SRRM1: variants seen among roughly 807,000 people sequenced by gnomAD.
SRRM1 encodes the protein serine/arginine repetitive matrix protein 1.
SRRM1 carries 19 observed loss-of-function variants against 110.2 expected under a neutral mutation model. That is an observed-to-expected ratio of 0.17 (90% confidence interval 0.12 to 0.25). The LOEUF (loss-of-function observed/expected upper bound fraction) is 0.25. Among genes scored for constraint, SRRM1 ranks in the 10% least tolerant of loss-of-function variants. The pLI is 1.00. For synonymous variants in SRRM1, 443 were observed against 414.9 expected (o/e 1.07, Z -0.82); for missense variants, 918 against 1,145.8 (o/e 0.80, Z 2.87).
At chr1:24,643,618 T>G in intron 1 of SRRM1, 12 of 377,806 alleles carry the variant, frequency 3.2e-5, no homozygotes, top group East Asian at 1.2e-4. Flanking sequence ...GGTACCTCGC[T>G]GCCCGCCTGC....
chr1:24,666,913 C>T lies in SRRM1; in HGVS notation c.1727C>T (p.Pro576Leu), dbSNP rs1396292358. 2 of 1,605,614 alleles carry T rather than the reference C, an allele frequency of 1.2e-6. No homozygotes were observed. Among genetic ancestry groups the T allele is most frequent in the Non-Finnish European group, 1.7e-6 (2 of 1,177,190 alleles). ...PPRRRRTPTP[P>L]PRRRTPSPPP... Reference sequence around the variant, plus strand: ...CGACGGCGCAGGACTCCCACACCACCACCACGACGAAGGTACTTTGTCAAA... The same window carrying T: ...CGACGGCGCAGGACTCCCACACCACTACCACGACGAAGGTACTTTGTCAAA... The change falls in exon 13 of 17, where the codon CCA becomes CTA. Residue 576 changes from proline (P) to leucine (L), a missense_variant. Pro to Leu is a moderately conservative substitution (Grantham distance 98). Around this residue, in one of 5 missense-constraint regions of SRRM1, gnomAD observed 357 missense variants for 402.9 expected, o/e 0.89. Transcript: ENST00000323848.
intron 9 of SRRM1, among the ~76,000 whole-genome samples, chr1:24,659,746 T>TACTA (rs58505184): frequency 0.04 from 6,020 of 152,268 alleles, 370 homozygotes; most frequent in African/African-American, 0.14. Context: ...GATGTGATAC[T>TACTA]ACTGTGTTAA....
intron 6 of SRRM1, 29 bp from the exon 7 acceptor site, chr1:24,652,405 A>G: frequency 7.7e-7 from 1 of 1,295,036 alleles, no homozygotes; most frequent in South Asian, 1.7e-5. Context: ...AGAAGGCAAA[A>G]AAAAAAAAAA....
At chr1:24,645,042 A>G (rs1234629662) in intron 1 of SRRM1, among the ~76,000 whole-genome samples, 1 of 152,166 alleles carries the variant, frequency 6.6e-6, no homozygotes, top group Non-Finnish European at 1.5e-5. Flanking sequence ...CAGATGAACT[A>G]TTTCAGGTAG....
Position 24,669,384 on chromosome 1 carries a change from C to T in SRRM1, c.2001C>T (p.Ser667=), listed in dbSNP as rs1671618578. 6.2e-7 allele frequency: 1 copy of T among 1,614,084 alleles called. No individual in the cohort carries two copies. Among genetic ancestry groups the T allele is most frequent in the Admixed American group, 1.7e-5 (1 of 60,000 alleles). Residue 667 remains serine, a synonymous_variant, in exon 14 of 17, where the codon AGC becomes AGT. Coordinates refer to ENST00000323848, the MANE Select transcript of SRRM1 (RefSeq NM_005839.4). ...AGCATAGGAAAGGGTCTTCCCCAAG[C>T]CGCTCTACCCGGGAGGCCCGATCAC... is the stretch of plus-strand genomic sequence containing the variant. ...SSKHRKGSSP[S]RSTREARSPQ...
chr1:24,667,881 T>G (rs529639991), intron 13 of SRRM1, among the ~76,000 whole-genome samples: 4 of 152,086 alleles, frequency 2.6e-5, no homozygotes, highest in Admixed American at 2.6e-4. Flanking sequence ...TCTTTACAAC[T>G]ATTTTAAAGT....
chr1:24,665,872 C>T (rs1026394813), intron 12 of SRRM1, among the ~76,000 whole-genome samples: 1 of 152,126 alleles, frequency 6.6e-6, no homozygotes, highest in Non-Finnish European at 1.5e-5. Flanking sequence ...TAGTTTCTAA[C>T]GGGAACCAAG....
intron 14 of SRRM1, 157 bp downstream of exon 14, chr1:24,669,744 T>A (rs1671786841): frequency 3.0e-6 from 2 of 676,622 alleles, no homozygotes; most frequent in African/African-American, 3.6e-5. Flanking sequence ...TTTTTTGGGA[T>A]AGTTTCTGTG....
rs1027373548 is a variant in SRRM1 at position 24,653,142 on chromosome 1, T to C, written c.1040+110T>C. The stretch of plus-strand genomic sequence containing the variant: ...CCTGGAAGAAAGAACTGATAGGTGA[T>C]ATTAGACAATGTCTTCTAAAGAGTC... On this transcript the variant is annotated intron_variant, in intron 8 of 16. Transcript: ENST00000323848. The C allele has an allele frequency of 3.9e-6, 4 of 1,024,688 alleles. No homozygotes were observed. In the South Asian group the frequency reaches 5.2e-5, roughly 13 times the overall value. 63.5% of individuals were successfully genotyped at this position (1,024,688 alleles called of 1,614,324 possible).
chr1:24,666,660 G>C, intron 12 of SRRM1, 155 bp from the exon 13 acceptor site: 1 of 575,480 alleles, frequency 1.7e-6, no homozygotes, highest in South Asian at 2.1e-5. Flanking sequence ...AACTACTCAG[G>C]AGGCTGAGGG....
chr1:24,656,703 T>C (rs1664305104), intron 9 of SRRM1, among the ~76,000 whole-genome samples: 1 of 152,228 alleles, frequency 6.6e-6, no homozygotes, highest in Non-Finnish European at 1.5e-5. Context: ...ACCTGTTACT[T>C]TGCAAAAACA....
In SRRM1 at chr1:24,669,225, G is replaced by A. The variant is rs749664329; in HGVS notation, c.1842G>A (p.Thr614=). The A allele has an allele frequency of 1.4e-5, 22 of 1,613,838 alleles. No individual in the cohort carries two copies. The highest frequency in any genetic ancestry group is 1.6e-4 in the Middle Eastern group (1 of 6,084). The change falls in exon 14 of 17, where the codon ACG becomes ACA. Residue 614 remains threonine (T), a synonymous_variant. Transcript: ENST00000323848. The part of the protein sequence containing the change: ...YSPSPPPKRR[T]ASPPPPPKRR... ...CTTCTCCACCTCCAAAGAGAAGAACGGCTTCACCTCCTCCCCCTCCTAAAC... is the reference window on the plus strand; with the variant it reads ...CTTCTCCACCTCCAAAGAGAAGAACAGCTTCACCTCCTCCCCCTCCTAAAC...
At chr1:24,654,762 TA>T in intron 8 of SRRM1, 92 bp from the exon 9 acceptor site, 1 of 1,472,230 alleles carries the variant, frequency 6.8e-7, no homozygotes. Flanking sequence ...AAAGTCGGAT[TA>T]AAATAGCTGT....
intron 2 of SRRM1, 52 bp from the exon 3 acceptor site, chr1:24,646,615 A>G (rs1323041309): frequency 2.8e-6 from 4 of 1,451,264 alleles, no homozygotes; most frequent in Non-Finnish European, 3.7e-6. Flanking sequence ...TAACTTGAGC[A>G]TTTTTTTTTA....
At chr1:24,663,230 T>C (rs994332470) in intron 12 of SRRM1, 45 of 1,504,144 alleles carry the variant, frequency 3.0e-5, no homozygotes, top group Non-Finnish European at 4.0e-5. Context: ...AAAAGGTTGG[T>C]TAGACACTAC....
chr1:24,647,808 C>G (rs1658428287), intron 3 of SRRM1: 1 of 152,236 alleles, frequency 6.6e-6, no homozygotes, highest in African/African-American at 2.4e-5. Context: ...TCTTAGAAAA[C>G]CAGGAACAGG....
intron 9 of SRRM1, among the ~76,000 whole-genome samples, chr1:24,656,152 T>A (rs1184800788): frequency 6.6e-6 from 1 of 152,194 alleles, no homozygotes; most frequent in East Asian, 1.9e-4. Flanking sequence ...TACATTTTAA[T>A]GAGCTTGATG....
At chr1:24,663,246 A>G (rs1385666898) in intron 12 of SRRM1, 2 of 1,483,866 alleles carry the variant, frequency 1.3e-6, no homozygotes, top group East Asian at 5.1e-5. Flanking sequence ...ACTACTTTGT[A>G]AATTAGGGTT....
rs1663222281 is a variant in SRRM1 at position 24,655,064 on chromosome 1, C to T, written c.1250C>T (p.Pro417Leu). 1 of 1,614,058 alleles carries T rather than the reference C, an allele frequency of 6.2e-7. No individual in the cohort carries two copies. The highest frequency in any genetic ancestry group is 8.5e-7 in the Non-Finnish European group (1 of 1,180,044). ...CCCAAAACTCGGCATTCCCCTACAC[C>T]CCAGCAGTCAAACCGTACAAGAAAA... ...PPPKTRHSPT[P>L]QQSNRTRKSR... The change falls in exon 9 of 17, where the codon CCC (proline) becomes CTC (leucine). Residue 417 changes from proline (P) to leucine (L), a missense_variant. Pro to Leu is a moderately conservative substitution (Grantham distance 98). Around this residue, in one of 5 missense-constraint regions of SRRM1, gnomAD observed 456 missense variants for 453.5 expected, o/e 1.01. Transcript: ENST00000323848.
Sources: gnomAD v4.1 joint callset for allele counts (sites outside exome capture counted in the v4.1 genomes callset) on GRCh38, gnomAD v4.1.1 for gene constraint, gnomAD v4.1.1 regional missense constraint, MANE v1.5 for transcripts, NCBI Gene and HGNC (gene_info 2026-07-23, HGNC 2026-07-21) for gene names.